The following AGTPBP1 variants were observed in gnomAD, a reference collection of about 807,000 sequenced individuals.
AGTPBP1 encodes ATP/GTP binding carboxypeptidase 1, also known as cytosolic carboxypeptidase 1.
Under a neutral mutation model 143.9 loss-of-function variants are expected in AGTPBP1, and 70 were observed. That is an observed-to-expected ratio of 0.49 (90% confidence interval 0.40 to 0.59). AGTPBP1 has a LOEUF of 0.59. Among genes scored for constraint, AGTPBP1 ranks in the 20% least tolerant of loss-of-function variants. The pLI, the probability that AGTPBP1 is intolerant of heterozygous loss-of-function variation, is 0.00. For missense variants in AGTPBP1, 1,229 were observed against 1,464.5 expected, an observed-to-expected ratio of 0.84 and a Z score of 2.62; for synonymous variants, 463 against 500.2, an observed-to-expected ratio of 0.93 and a Z score of 0.99.
At chr9:85,752,892 G>A in the AGTPBP1 span, among the ~76,000 whole-genome samples, 1,504 of 152,218 alleles carry the variant, frequency 9.9e-3, 16 homozygotes, top group African/African-American at 0.035. Flanking sequence ...GTACACATCT[G>A]TAGTCCTAGC....
At chr9:85,741,527 C>G (rs532323121) in intron 1 of AGTPBP1, 1 of 985,394 alleles carries the variant, frequency 1.0e-6, no homozygotes, top group Non-Finnish European at 1.2e-6. Flanking sequence ...ACCGAGGGTC[C>G]GGGGACTGGG....
At chr9:85,755,522 G>C in the AGTPBP1 span, among the ~76,000 whole-genome samples, 1 of 151,936 alleles carries the variant, frequency 6.6e-6, no homozygotes, top group Non-Finnish European at 1.5e-5. Flanking sequence ...CATCATCTGT[G>C]TCTTCCACTG....
At chr9:85,587,416 G>A (rs1182063337) in intron 21 of AGTPBP1, among the ~76,000 whole-genome samples, 1 of 152,032 alleles carries the variant, frequency 6.6e-6, no homozygotes, top group Non-Finnish European at 1.5e-5. Flanking sequence ...ATACACTGTT[G>A]TAAAACATCA....
chr9:85,717,337 C>T (rs1383106991), intron 1 of AGTPBP1, among the ~76,000 whole-genome samples: 1 of 151,998 alleles, frequency 6.6e-6, no homozygotes, highest in Non-Finnish European at 1.5e-5. Context: ...GAGCCCTTCT[C>T]TAAAAAATAA....
intron 11 of AGTPBP1, 121 bp downstream of exon 11, chr9:85,655,022 A>G (rs1299736243): frequency 8.3e-6 from 7 of 847,344 alleles, no homozygotes; most frequent in African/African-American, 1.7e-5. Context: ...TAAAATGTGA[A>G]TGTTTATCAC....
chr9:85,779,248 TATATAA>T, the AGTPBP1 span, among the ~76,000 whole-genome samples: 46 of 139,566 alleles, frequency 3.3e-4, no homozygotes, highest in East Asian at 2.9e-3. Context: ...TATAGATATC[TATATAA>T]ATATAAATAT....
intron 22 of AGTPBP1, among the ~76,000 whole-genome samples, chr9:85,586,114 G>A (rs1828587137): frequency 6.6e-6 from 1 of 151,854 alleles, no homozygotes; most frequent in Admixed American, 6.6e-5. Context: ...TTGGGAGGCT[G>A]AGGCAAGAGA....
intron 1 of AGTPBP1, among the ~76,000 whole-genome samples, chr9:85,738,046 C>T (rs561955121): frequency 3.9e-5 from 6 of 152,082 alleles, no homozygotes; most frequent in Non-Finnish European, 8.8e-5. Context: ...TTCTCACTAC[C>T]TTATTTTTTG....
chr9:85,766,139 A>AAAAG, the AGTPBP1 span, among the ~76,000 whole-genome samples: 1 of 152,100 alleles, frequency 6.6e-6, no homozygotes, highest in African/African-American at 2.4e-5. Flanking sequence ...AAAAAAAAAA[A>AAAAG]AACCCAAAGT....
chr9:85,692,741 T>G lies in AGTPBP1; in HGVS notation c.105A>C (p.Ser35=). The G allele has an allele frequency of 6.2e-7, 1 of 1,614,086 alleles. No homozygotes were observed. The highest frequency in any genetic ancestry group is 1.1e-5 in the South Asian group (1 of 91,080). Reference sequence around the variant, plus strand: ...TTGATGTAACATATCGGGCAGTGTCTGATTCTGAAGGCTCAGCATTGATCT... The same window carrying G: ...TTGATGTAACATATCGGGCAGTGTCGGATTCTGAAGGCTCAGCATTGATCT... ...LEKINAEPSE[S]DTARYVTSKI... The change falls in exon 3 of 26, where the codon TCA becomes TCC. Residue 35 remains serine, a synonymous_variant. Coordinates refer to ENST00000357081, the MANE Select transcript of AGTPBP1 (RefSeq NM_001330701.2).
chr9:85,781,098 C>T, the AGTPBP1 span: 35 of 1,377,282 alleles, frequency 2.5e-5, no homozygotes, highest in East Asian at 8.6e-5. Context: ...CTAGCCTGGG[C>T]GACAGTGCAA....
At chr9:85,781,365 G>A in the AGTPBP1 span, 2 of 1,545,854 alleles carry the variant, frequency 1.3e-6, no homozygotes, top group East Asian at 4.7e-5. Flanking sequence ...CATCATCAGA[G>A]TGTAAGACTT....
intron 1 of AGTPBP1, among the ~76,000 whole-genome samples, chr9:85,732,429 C>T (rs12000451): frequency 0.011 from 1,671 of 151,624 alleles, 30 homozygotes; most frequent in African/African-American, 0.037. Flanking sequence ...TTAGCCAGGA[C>T]GGGACTATGA....
intron 6 of AGTPBP1, among the ~76,000 whole-genome samples, chr9:85,674,510 A>T (rs933234846): frequency 3.9e-5 from 6 of 152,052 alleles, no homozygotes; most frequent in Admixed American, 1.3e-4. Context: ...GGTTTTTTTT[A>T]AATGAATTTT....
At chr9:85,779,078 A>G in the AGTPBP1 span, among the ~76,000 whole-genome samples, 1 of 151,934 alleles carries the variant, frequency 6.6e-6, no homozygotes, top group Non-Finnish European at 1.5e-5. Context: ...AAACCAACAA[A>G]AGAACTCCAT....
the AGTPBP1 span, among the ~76,000 whole-genome samples, chr9:85,757,795 C>T: frequency 2.6e-5 from 4 of 152,086 alleles, no homozygotes; most frequent in African/African-American, 9.7e-5. Context: ...GCAGGAGTAG[C>T]ATAAAGATGA....
chr9:85,606,262 A>G (rs1460458824), intron 17 of AGTPBP1, among the ~76,000 whole-genome samples: 2 of 152,044 alleles, frequency 1.3e-5, no homozygotes, highest in African/African-American at 4.8e-5. Context: ...ATATTTCTCA[A>G]AAAGAAGATA....
chr9:85,678,848 C>A (rs62569230), intron 4 of AGTPBP1, among the ~76,000 whole-genome samples: 2,546 of 152,270 alleles, frequency 0.017, 26 homozygotes, highest in Middle Eastern at 0.054. Flanking sequence ...AGGTTTATTT[C>A]TCCAAATGGT....
chr9:85,711,441 C>CTT (rs746034159), intron 2 of AGTPBP1, among the ~76,000 whole-genome samples: 24 of 139,302 alleles, frequency 1.7e-4, no homozygotes, highest in Middle Eastern at 3.3e-3. Flanking sequence ...TTTTTTCTTT[C>CTT]TTTTTTTTTT....
Sources: gnomAD v4.1 joint callset for allele counts (sites outside exome capture counted in the v4.1 genomes callset) on GRCh38, gnomAD v4.1.1 for gene constraint, MANE v1.5 for transcripts, NCBI Gene and HGNC (gene_info 2026-07-23, HGNC 2026-07-21) for gene names.